DIXDC1: variants seen among roughly 807,000 people sequenced by gnomAD.
DIXDC1 encodes the protein dixin.
A neutral mutation model predicts 103.1 loss-of-function variants in DIXDC1; 64 were observed. That is an observed-to-expected ratio of 0.62 (90% CI 0.51 to 0.76). The LOEUF (loss-of-function observed/expected upper bound fraction) is 0.76. Ranked by LOEUF, DIXDC1 falls within the 30% of genes least tolerant of loss-of-function variation. The pLI, the probability that DIXDC1 is intolerant of heterozygous loss-of-function variation, is 0.00. For missense variants in DIXDC1, 759 were observed against 834.2 expected, an observed-to-expected ratio of 0.91 and a Z score of 1.11; for synonymous variants, 266 against 298.5, an observed-to-expected ratio of 0.89 and a Z score of 1.12.
At position 111,967,361 on chromosome 11, in the gene DIXDC1, C is replaced by T. The variant is rs587701965; in HGVS notation, c.191-1152C>T. 9.2e-4 allele frequency among the ~76,000 whole-genome samples: 140 copies of T among 152,326 alleles called. 1 individual carries two copies. Among genetic ancestry groups the T allele is most frequent in the African/African-American group, 3.0e-3 (126 of 41,576 alleles). Reference sequence around the variant, plus strand: ...ATTATCATTTGCCTAGGTGTTAAAGCAGAACAGTTAGAAGGTGTCCTTAAT... The same window carrying T: ...ATTATCATTTGCCTAGGTGTTAAAGTAGAACAGTTAGAAGGTGTCCTTAAT... On this transcript the variant is annotated intron_variant, in intron 2 of 19. Coordinates refer to ENST00000440460, the MANE Select transcript of DIXDC1 (RefSeq NM_001037954.4).
intron 17 of DIXDC1, among the ~76,000 whole-genome samples, chr11:111,997,233 T>C (rs781890123): frequency 9.2e-5 from 14 of 152,254 alleles, no homozygotes; most frequent in Admixed American, 2.6e-4. Context: ...ATATGAAATG[T>C]AAAATTTTTT....
rs1416012933 is a variant in DIXDC1 at position 112,017,085 on chromosome 11, T to C, written c.1862+289T>C. Among the ~76,000 whole-genome samples the C allele has an allele frequency of 6.6e-6, 1 of 152,126 alleles. No homozygotes were observed. The highest frequency in any genetic ancestry group is 1.5e-5 in the Non-Finnish European group (1 of 68,036). On this transcript the variant is annotated intron_variant, in intron 18 of 19. Transcript: ENST00000440460. This position sits in a 1 kb window ranked among gnomAD's most constrained non-coding sequence, Gnocchi z 4.0. ...TGCATTTGGGAAAATCTTTTTTTTT[T>C]TTTTTAAGTGTTCAAAATAGCTCCT...
intron 14 of DIXDC1, 68 bp downstream of exon 14, chr11:111,993,808 A>G: frequency 6.4e-7 from 1 of 1,560,148 alleles, no homozygotes; most frequent in Non-Finnish European, 8.7e-7. Flanking sequence ...TTTCTGACTC[A>G]GAGCTGAACC....
In DIXDC1 at chr11:112,022,633, A is replaced by T. The variant is rs1861792277; in HGVS notation, c.*3597A>T. ...GTTTACTGATGAGATTAATCAATAA[A>T]GCCATTTACATTTAGTGAAAGCAAA... On this transcript the variant is annotated 3_prime_UTR_variant, in exon 20 of 20. Transcript: ENST00000440460. The surrounding 1 kb of genome is among the most constrained non-coding windows in gnomAD (Gnocchi z 4.9). 6.5e-6 allele frequency: 1 copy of T among 152,680 alleles called. No individual in the cohort carries two copies. The highest frequency in any genetic ancestry group is 1.5e-5 in the Non-Finnish European group (1 of 68,042). The allele number at this position is 152,680 out of a possible 1,614,324, so 9.5% of individuals were successfully genotyped here. A position where few individuals can be genotyped will look rare whatever the true frequency, so the allele number is the denominator to read the frequency against.
chr11:111,950,623 T>C (rs1451703284), intron 1 of DIXDC1, among the ~76,000 whole-genome samples: 2 of 150,932 alleles, frequency 1.3e-5, no homozygotes, highest in South Asian at 2.1e-4. Flanking sequence ...GCCCAGCTAA[T>C]TTTTGTATTT....
upstream of DIXDC1, chr11:111,937,177 C>T: frequency 9.5e-7 from 1 of 1,053,152 alleles, no homozygotes; most frequent in Non-Finnish European, 1.1e-6. Flanking sequence ...CGCGCGCCCT[C>T]GCCAGCCCGC....
intron 1 of DIXDC1, among the ~76,000 whole-genome samples, chr11:111,929,477 A>C (rs1286007577): frequency 2.7e-5 from 4 of 149,228 alleles, no homozygotes; most frequent in African/African-American, 9.8e-5. Flanking sequence ...TGGATACTTG[A>C]GAGGCTGAGG....
At chr11:111,973,967 G>A in intron 3 of DIXDC1, 56 bp from the exon 4 acceptor site, 1 of 1,550,280 alleles carries the variant, frequency 6.5e-7, no homozygotes, top group Admixed American at 1.8e-5. Flanking sequence ...CTCAGCTTTT[G>A]CCTCCCTCTT....
intron 17 of DIXDC1, among the ~76,000 whole-genome samples, chr11:112,008,144 A>G (rs1861298698): frequency 2.0e-5 from 3 of 151,780 alleles, no homozygotes; most frequent in South Asian, 4.2e-4. Context: ...AAAAAAAAAA[A>G]AAAGAAAAGC....
chr11:111,973,580 T>C (rs1271160527), intron 3 of DIXDC1, among the ~76,000 whole-genome samples: 1 of 152,228 alleles, frequency 6.6e-6, no homozygotes, highest in Middle Eastern at 3.2e-3. Context: ...AGGTGGCTAA[T>C]GGTTCCCATA....
chr11:111,967,671 A>G (rs945396782), intron 2 of DIXDC1, among the ~76,000 whole-genome samples: 3 of 152,306 alleles, frequency 2.0e-5, no homozygotes, highest in African/African-American at 7.2e-5. Flanking sequence ...GGCTCAGACA[A>G]TTCCCCTGCC....
At chr11:111,940,746 G>T (rs1555168747) in intron 1 of DIXDC1, among the ~76,000 whole-genome samples, 1 of 152,162 alleles carries the variant, frequency 6.6e-6, no homozygotes, top group East Asian at 1.9e-4. Flanking sequence ...GAGAGATAGG[G>T]TGTACTGATA....
intron 14 of DIXDC1, among the ~76,000 whole-genome samples, chr11:111,994,417 A>G (rs782462243): frequency 6.6e-6 from 1 of 151,322 alleles, no homozygotes; most frequent in Non-Finnish European, 1.5e-5. Flanking sequence ...ATATATATTC[A>G]TACATACATA....
At chr11:112,011,121 A>G (rs587620495) in intron 17 of DIXDC1, among the ~76,000 whole-genome samples, 3 of 152,238 alleles carry the variant, frequency 2.0e-5, no homozygotes, top group African/African-American at 7.2e-5. Flanking sequence ...AAATCAAACA[A>G]CCCCATCAAA....
chr11:112,002,715 G>A (rs997874887), intron 17 of DIXDC1, among the ~76,000 whole-genome samples: 25 of 152,172 alleles, frequency 1.6e-4, no homozygotes, highest in African/African-American at 5.8e-4. Context: ...TTTAGCCTGG[G>A]AGATAAAGGC....
chr11:111,973,040 A>G (rs1204580498), intron 3 of DIXDC1, among the ~76,000 whole-genome samples: 5 of 137,604 alleles, frequency 3.6e-5, no homozygotes, highest in Admixed American at 7.3e-5. Context: ...GCCTGGGGGA[A>G]AAAAAAAAAG....
intron 7 of DIXDC1, 55 bp from the exon 8 acceptor site, chr11:111,985,176 TG>T: frequency 7.1e-7 from 1 of 1,410,120 alleles, no homozygotes; most frequent in South Asian, 1.2e-5. Flanking sequence ...AGTTCAACTC[TG>T]GACTAAGTCA....
At chr11:111,937,137 G>C, upstream of DIXDC1, 1 of 736,434 alleles carries the variant, frequency 1.4e-6, no homozygotes, top group Non-Finnish European at 1.7e-6. Context: ...CGGGCGGGGG[G>C]GGGGTGTGCG....
At chr11:111,940,418 C>G (rs998139730) in intron 1 of DIXDC1, among the ~76,000 whole-genome samples, 2 of 152,290 alleles carry the variant, frequency 1.3e-5, no homozygotes, top group South Asian at 2.1e-4. Context: ...TCCTATAGAT[C>G]ACAATCTCCC....
Sources: allele counts gnomAD v4.1 joint callset (sites outside exome capture counted in the v4.1 genomes callset), GRCh38; gene constraint gnomAD v4.1.1; non-coding constraint Gnocchi (gnomAD v3.1); transcripts MANE v1.5; gene names NCBI Gene and HGNC (gene_info 2026-07-23, HGNC 2026-07-21).